Variants in ILRUN observed in about 807,000 individuals in gnomAD.
ILRUN encodes the protein protein ILRUN.
Under a neutral mutation model 33.8 loss-of-function variants are expected in ILRUN, and 3 were observed. The observed-to-expected ratio is 0.09, with a 90% CI of 0.04 to 0.23. ILRUN has a LOEUF of 0.23. Ranked by LOEUF, ILRUN falls within the 10% of genes least tolerant of loss-of-function variation. The probability of loss-of-function intolerance (pLI) is 1.00; values close to 1 mark genes in which losing one functional copy is unlikely to be tolerated. For synonymous variants in ILRUN, 124 were observed against 138.9 expected (o/e 0.89, Z 0.75); for missense variants, 210 against 375.1 (o/e 0.56, Z 3.64).
intron 2 of ILRUN, among the ~76,000 whole-genome samples, chr6:34,649,771 A>C (rs2127361853): frequency 6.6e-6 from 1 of 152,332 alleles, no homozygotes; most frequent in Non-Finnish European, 1.5e-5. Context: ...ATTAAGCTCC[A>C]TGAAAGCAGA....
Position 34,646,936 on chromosome 6 carries a change from A to G in ILRUN, c.314-138T>C. 1.4e-6 allele frequency: 1 copy of G among 708,162 alleles called. No homozygotes were observed. Among genetic ancestry groups the G allele is most frequent in the Non-Finnish European group, 2.4e-6 (1 of 421,200 alleles). The allele number at this position is 708,162 out of a possible 1,614,324, so 43.9% of individuals were successfully genotyped here. A position where few individuals can be genotyped will look rare whatever the true frequency, so the allele number is the denominator to read the frequency against. On this transcript the variant is annotated intron_variant, in intron 2 of 4. Coordinates refer to ENST00000374023, the MANE Select transcript of ILRUN (RefSeq NM_024294.4). The surrounding 1 kb of genome is among the most constrained non-coding windows in gnomAD (Gnocchi z 4.9). ...ACCTAACCACATATACCTAAGCCAT[A>G]TATTGTCTCACACAACTGATCAAAA...
chr6:34,633,677 C>G (rs1212849757), intron 3 of ILRUN, among the ~76,000 whole-genome samples: 2 of 151,336 alleles, frequency 1.3e-5, no homozygotes, highest in Non-Finnish European at 2.9e-5. Flanking sequence ...AAAATAAGAC[C>G]CTGTCTCTAC....
intron 1 of ILRUN, among the ~76,000 whole-genome samples, chr6:34,661,611 C>T (rs1050666946): frequency 6.6e-6 from 1 of 152,044 alleles, no homozygotes; most frequent in Non-Finnish European, 1.5e-5. Flanking sequence ...GAGAAAGAAA[C>T]CTAAAGGTAT....
intron 3 of ILRUN, chr6:34,616,511 G>A (rs576925533): frequency 2.1e-6 from 2 of 932,036 alleles, no homozygotes; most frequent in East Asian, 2.4e-5. Flanking sequence ...GCAAAAGTCA[G>A]TATTATGCTC....
At chr6:34,615,014 A>G (rs1274226868) in intron 3 of ILRUN, among the ~76,000 whole-genome samples, 1 of 152,204 alleles carries the variant, frequency 6.6e-6, no homozygotes, top group Non-Finnish European at 1.5e-5. Flanking sequence ...GCACATGACA[A>G]CTAAGTGTAA....
chr6:34,651,002 T>TC lies in ILRUN; in HGVS notation c.313+3622dup, dbSNP rs35771729. Reference sequence around the variant, plus strand: ...AAAAACTGCCAAGGCCTGCCCTACTTCCATGTTACTACTCTATTTACAGAA... The same window carrying TC: ...AAAAACTGCCAAGGCCTGCCCTACTTCCCATGTTACTACTCTATTTACAGAA... On this transcript the variant is annotated intron_variant, in intron 2 of 4. Coordinates refer to ENST00000374023, the MANE Select transcript of ILRUN (RefSeq NM_024294.4). Among the ~76,000 whole-genome samples the TC allele has an allele frequency of 2.6e-5, 4 of 152,206 alleles. No homozygotes were observed. In the South Asian group the frequency reaches 8.3e-4, roughly 32 times the overall value.
chr6:34,615,329 C>T (rs112139195), intron 3 of ILRUN, among the ~76,000 whole-genome samples: 4,605 of 152,266 alleles, frequency 0.03, 186 homozygotes, highest in African/African-American at 0.088. Context: ...GGCATGGTGG[C>T]TCACACCTGT....
intron 1 of ILRUN, among the ~76,000 whole-genome samples, chr6:34,657,497 A>C (rs1762797923): frequency 6.6e-6 from 1 of 152,236 alleles, no homozygotes; most frequent in African/African-American, 2.4e-5. Context: ...TATGTGTATT[A>C]TACAGGTAAT....
intron 1 of ILRUN, among the ~76,000 whole-genome samples, chr6:34,689,027 C>G (rs1263581042): frequency 6.6e-6 from 1 of 151,852 alleles, no homozygotes; most frequent in Admixed American, 6.6e-5. Context: ...TGCTGGTTGC[C>G]AATGGCTGAG....
At chr6:34,598,137 A>AAT (rs1449414998) in intron 4 of ILRUN, among the ~76,000 whole-genome samples, 1 of 152,164 alleles carries the variant, frequency 6.6e-6, no homozygotes, top group Non-Finnish European at 1.5e-5. Context: ...TTACTGACTG[A>AAT]ATAATATCAG....
At chr6:34,670,893 C>T (rs574584149) in intron 1 of ILRUN, among the ~76,000 whole-genome samples, 31 of 147,968 alleles carry the variant, frequency 2.1e-4, no homozygotes, top group African/African-American at 7.5e-4. Flanking sequence ...ATGATATACA[C>T]ACCCCCTAAA....
chr6:34,605,321 A>C (rs1761604406), intron 4 of ILRUN, among the ~76,000 whole-genome samples: 6 of 115,480 alleles, frequency 5.2e-5, no homozygotes. Context: ...ACAAAAACAA[A>C]AAAAAAAAAA....
At chr6:34,683,487 C>CATATATATATATATATAT (rs1229592329) in intron 1 of ILRUN, among the ~76,000 whole-genome samples, 1 of 81,884 alleles carries the variant, frequency 1.2e-5, no homozygotes, top group Non-Finnish European at 2.1e-5. Context: ...TATATATATA[C>CATATATATATATATATAT]ATATATATAT....
chr6:34,629,490 C>T (rs1762202340), intron 3 of ILRUN, among the ~76,000 whole-genome samples: 1 of 152,068 alleles, frequency 6.6e-6, no homozygotes, highest in African/African-American at 2.4e-5. Flanking sequence ...ATATTTAATT[C>T]CACTCTCTTC....
Position 34,646,481 on chromosome 6 carries a change from GA to G in ILRUN, c.511+119del, listed in dbSNP as rs1762566195. ...TGCAAATCATTTACCTGCATGAGGT[GA>G]CTGTTAAAAAGAGGCCATGCCCTGT... On this transcript the variant is annotated intron_variant, in intron 3 of 4. Transcript: ENST00000374023. The surrounding 1 kb of genome is among the most constrained non-coding windows in gnomAD (Gnocchi z 4.9). The G allele has an allele frequency of 1.1e-5, 9 of 815,184 alleles. No individual in the cohort carries two copies. Among genetic ancestry groups the G allele is most frequent in the South Asian group, 3.4e-5 (2 of 58,362 alleles). 50.5% of individuals were successfully genotyped at this position (815,184 alleles called of 1,614,324 possible).
chr6:34,593,329 C>A (rs182616449), intron 4 of ILRUN, among the ~76,000 whole-genome samples: 17 of 152,232 alleles, frequency 1.1e-4, no homozygotes, highest in African/African-American at 4.1e-4. Flanking sequence ...CAAAGCTCTA[C>A]ACACTTCATG....
intron 4 of ILRUN, among the ~76,000 whole-genome samples, chr6:34,601,703 C>CG (rs1554182760): frequency 1.2e-4 from 18 of 150,930 alleles, no homozygotes; most frequent in African/African-American, 3.7e-4. Flanking sequence ...CCTCCAGTAC[C>CG]CGCCCCCCCA....
At chr6:34,596,961 C>T (rs1761412235) in intron 4 of ILRUN, among the ~76,000 whole-genome samples, 1 of 152,050 alleles carries the variant, frequency 6.6e-6, no homozygotes, top group Admixed American at 6.5e-5. Context: ...AACCCTTCAT[C>T]ATTCATCCCT....
At chr6:34,682,250 T>C (rs1763377490) in intron 1 of ILRUN, among the ~76,000 whole-genome samples, 2 of 99,886 alleles carry the variant, frequency 2.0e-5, no homozygotes, top group African/African-American at 5.6e-5. Context: ...CTGCAACCTC[T>C]GTTTTTTTTT....
Sources: gnomAD v4.1 joint callset for allele counts (sites outside exome capture counted in the v4.1 genomes callset) on GRCh38, gnomAD v4.1.1 for gene constraint, Gnocchi (gnomAD v3.1) non-coding constraint, MANE v1.5 for transcripts, NCBI Gene and HGNC (gene_info 2026-07-23, HGNC 2026-07-21) for gene names.